The following NKAIN2 variants were observed in gnomAD, a reference collection of about 807,000 sequenced individuals.
The protein encoded by NKAIN2 is sodium/potassium transporting ATPase interacting 2.
In NKAIN2, 14 loss-of-function variants were observed where a neutral mutation model predicts 32.6. The ratio of observed to expected loss-of-function variants is 0.43; its 90% CI spans 0.28 to 0.67. The LOEUF is 0.67. NKAIN2 is among the 30% of genes least tolerant of loss of function. NKAIN2 has a pLI of 0.17. For synonymous variants in NKAIN2, 80 were observed against 87.2 expected (o/e 0.92, Z 0.46); for missense variants, 198 against 258.3 (o/e 0.77, Z 1.60).
chr6:124,095,759 T>C (rs1357436449), intron 1 of NKAIN2, among the ~76,000 whole-genome samples: 3 of 152,174 alleles, frequency 2.0e-5, no homozygotes, highest in Non-Finnish European at 4.4e-5. Context: ...CTTTATAATA[T>C]AATACGAAGT....
At chr6:124,414,649 A>G (rs1774378297) in intron 3 of NKAIN2, among the ~76,000 whole-genome samples, 1 of 152,144 alleles carries the variant, frequency 6.6e-6, no homozygotes. Flanking sequence ...ATTTTTGGGA[A>G]AATTTTTAAC....
At position 124,572,543 on chromosome 6, in the gene NKAIN2, G is replaced by A. The variant is rs1454120694; in HGVS notation, c.274-85643G>A. On this transcript the variant is annotated intron_variant, in intron 3 of 6. Transcript: ENST00000368417. ...AGCAAATACTGATTTCTTTTGCAAC[G>A]GTAGAGTTCAAGTATCCAAAATGAC... is the stretch of plus-strand genomic sequence containing the variant. Among the ~76,000 whole-genome samples, 4 of 152,012 alleles carry A rather than the reference G, an allele frequency of 2.6e-5. No individual in the cohort carries two copies. The South Asian group carries it at 6.2e-4, about 24-fold the overall frequency.
intron 3 of NKAIN2, among the ~76,000 whole-genome samples, chr6:124,493,972 C>T (rs1166143002): frequency 1.3e-5 from 2 of 152,022 alleles, no homozygotes; most frequent in African/African-American, 4.8e-5. Flanking sequence ...CATTGCCTTT[C>T]CCCTGAGAGC....
intron 1 of NKAIN2, among the ~76,000 whole-genome samples, chr6:123,833,691 C>CTGTGTGTGTGTGTGTGTGTG (rs59906355): frequency 7.7e-5 from 10 of 129,566 alleles, no homozygotes; most frequent in African/African-American, 2.4e-4. Flanking sequence ...ATTTTTTTTC[C>CTGTGTGTGTGTGTGTGTGTG]TGTGTGTGTG....
chr6:123,853,005 C>T (rs1179917828), intron 1 of NKAIN2, among the ~76,000 whole-genome samples: 1 of 152,220 alleles, frequency 6.6e-6, no homozygotes, highest in Non-Finnish European at 1.5e-5. Context: ...CCCAAGCATT[C>T]TGTAGACTTT....
chr6:123,882,474 G>T (rs534897381), intron 1 of NKAIN2, among the ~76,000 whole-genome samples: 46 of 152,076 alleles, frequency 3.0e-4, no homozygotes, highest in Middle Eastern at 6.8e-3. Context: ...TAATTTACAG[G>T]TCCTGTTAAT....
At chr6:124,215,408 C>T (rs977226972) in intron 1 of NKAIN2, among the ~76,000 whole-genome samples, 1 of 152,018 alleles carries the variant, frequency 6.6e-6, no homozygotes, top group Admixed American at 6.6e-5. Flanking sequence ...AAAGGACTCT[C>T]CAATATGATG....
intron 1 of NKAIN2, among the ~76,000 whole-genome samples, chr6:124,213,528 A>C (rs1791295267): frequency 6.6e-6 from 1 of 152,144 alleles, no homozygotes. Context: ...TGAGATAAAC[A>C]TAGACCAAGG....
intron 1 of NKAIN2, among the ~76,000 whole-genome samples, chr6:123,834,254 A>C (rs1774515801): frequency 6.6e-6 from 1 of 152,144 alleles, no homozygotes; most frequent in South Asian, 2.1e-4. Flanking sequence ...TCCCGGGTTC[A>C]AGTGAGTCTC....
intron 3 of NKAIN2, among the ~76,000 whole-genome samples, chr6:124,561,127 G>A (rs1780675569): frequency 6.6e-6 from 1 of 152,132 alleles, no homozygotes; most frequent in African/African-American, 2.4e-5. Context: ...TAAACAGAAT[G>A]ATTACTGAGG....
At chr6:124,435,950 C>T (rs1363736959) in intron 3 of NKAIN2, among the ~76,000 whole-genome samples, 2 of 151,980 alleles carry the variant, frequency 1.3e-5, no homozygotes, top group South Asian at 2.1e-4. Flanking sequence ...TTCTTTATAA[C>T]GTTTAAATTC....
At chr6:124,255,813 C>G (rs1011004663) in intron 1 of NKAIN2, among the ~76,000 whole-genome samples, 7 of 152,192 alleles carry the variant, frequency 4.6e-5, no homozygotes, top group Admixed American at 2.0e-4. Flanking sequence ...AAAATATGCT[C>G]TCACTTGTCC....
chr6:124,090,966 T>G (rs150560444), intron 1 of NKAIN2, among the ~76,000 whole-genome samples: 125 of 152,096 alleles, frequency 8.2e-4, no homozygotes, highest in African/African-American at 3.0e-3. Context: ...GATAAACATT[T>G]TTAAGTTTTT....
intron 1 of NKAIN2, among the ~76,000 whole-genome samples, chr6:124,015,630 A>T (rs1029519931): frequency 6.6e-6 from 1 of 152,208 alleles, no homozygotes; most frequent in South Asian, 2.1e-4. Context: ...TGTTTAGCAC[A>T]GCTACTCAGG....
chr6:124,253,007 A>C (rs191741144), intron 1 of NKAIN2, among the ~76,000 whole-genome samples: 2 of 152,294 alleles, frequency 1.3e-5, no homozygotes, highest in African/African-American at 4.8e-5. Context: ...ACTTCTCAGA[A>C]TCCATAAGAT....
chr6:124,435,272 G>C (rs1775389546), intron 3 of NKAIN2, among the ~76,000 whole-genome samples: 1 of 152,088 alleles, frequency 6.6e-6, no homozygotes, highest in Non-Finnish European at 1.5e-5. Flanking sequence ...AGACTGTAGA[G>C]GTCTTGGTAC....
intron 3 of NKAIN2, among the ~76,000 whole-genome samples, chr6:124,570,991 T>A (rs1781106460): frequency 6.6e-6 from 1 of 152,214 alleles, no homozygotes; most frequent in African/African-American, 2.4e-5. Flanking sequence ...TTTGCATCAG[T>A]GTGACCTGGA....
At chr6:124,275,774 T>C (rs1401753755) in intron 1 of NKAIN2, among the ~76,000 whole-genome samples, 2 of 152,152 alleles carry the variant, frequency 1.3e-5, no homozygotes, top group African/African-American at 4.8e-5. Context: ...AACACAAATA[T>C]AGAATGATAA....
intron 3 of NKAIN2, among the ~76,000 whole-genome samples, chr6:124,632,692 T>C (rs1783616581): frequency 1.3e-5 from 2 of 152,066 alleles, no homozygotes; most frequent in South Asian, 4.1e-4. Context: ...ACAATCCAAA[T>C]GAAATAGATA....
Sources: allele counts gnomAD v4.1 joint callset (sites outside exome capture counted in the v4.1 genomes callset), GRCh38; gene constraint gnomAD v4.1.1; transcripts MANE v1.5; gene names NCBI Gene and HGNC (gene_info 2026-07-23, HGNC 2026-07-21).